CPLANE1: variants seen among roughly 807,000 people sequenced by gnomAD.
The protein encoded by CPLANE1 is ciliogenesis and planar polarity effector 1.
CPLANE1 carries 263 observed loss-of-function variants against 362.5 expected under a neutral mutation model. That is an observed-to-expected ratio of 0.73 (90% CI 0.66 to 0.80). The LOEUF is 0.80. Ranked by LOEUF, CPLANE1 falls within the 30% of genes least tolerant of loss-of-function variation. The pLI, the probability that CPLANE1 is intolerant of heterozygous loss-of-function variation, is 0.00. For missense variants in CPLANE1, 3,461 were observed against 3,793.4 expected, an observed-to-expected ratio of 0.91 and a Z score of 2.30; for synonymous variants, 1,212 against 1,302.6, an observed-to-expected ratio of 0.93 and a Z score of 1.50.
the CPLANE1 span, among the ~76,000 whole-genome samples, chr5:37,083,358 A>G: frequency 6.6e-6 from 1 of 152,198 alleles, no homozygotes; most frequent in Admixed American, 6.5e-5. Flanking sequence ...TGGTACTATG[A>G]CATAACAAGG....
intron 50 of CPLANE1, among the ~76,000 whole-genome samples, chr5:37,119,019 C>G (rs1761877018): frequency 6.6e-6 from 1 of 152,014 alleles, no homozygotes; most frequent in Non-Finnish European, 1.5e-5. Context: ...GCCTATTTTA[C>G]ATTTTTAAAT....
At chr5:37,189,016 A>G (rs1280471890) in intron 21 of CPLANE1, among the ~76,000 whole-genome samples, 1 of 151,938 alleles carries the variant, frequency 6.6e-6, no homozygotes, top group Non-Finnish European at 1.5e-5. Flanking sequence ...TACCTGGCTA[A>G]TTTTGTATTT....
chr5:37,180,454 C>T (rs941970989), intron 27 of CPLANE1, among the ~76,000 whole-genome samples: 2 of 152,128 alleles, frequency 1.3e-5, no homozygotes, highest in Non-Finnish European at 1.5e-5. Flanking sequence ...TTTATTTACT[C>T]GAATGATTGG....
chr5:37,170,436 T>A, intron 32 of CPLANE1, 105 bp from the exon 33 acceptor site: 2 of 1,204,156 alleles, frequency 1.7e-6, no homozygotes, highest in South Asian at 1.5e-5. Context: ...ACGTTTGTCT[T>A]AATATCTATG....
rs754947937 is a variant in CPLANE1, at chr5:37,170,055, T to A, written c.6448A>T (p.Thr2150Ser). 3.1e-6 allele frequency: 5 copies of A among 1,613,998 alleles called. No individual in the cohort carries two copies. The African/African-American group carries it at 5.3e-5, about 17-fold the overall frequency. ...ACATACATTACCTGTACGTTTCCAGTACTATTTTGACCAGATGGGATAGTT... is the reference window on the plus strand; with the variant it reads ...ACATACATTACCTGTACGTTTCCAGAACTATTTTGACCAGATGGGATAGTT... ...EGTIPSGQNS[T>S]GNVQNVPHGS... Residue 2150 changes from threonine (T) to serine (S), a missense_variant, in exon 33 of 53, where the codon ACT (threonine) becomes TCT (serine). By Grantham distance (58) the Thr-to-Ser change is moderately conservative (BLOSUM62 1). Coordinates refer to ENST00000651892, the MANE Select transcript of CPLANE1 (RefSeq NM_001384732.1).
chr5:37,186,424 GAGAAACATCA>G, intron 23 of CPLANE1, 30 bp from the exon 24 acceptor site: 1 of 949,390 alleles, frequency 1.1e-6, no homozygotes, highest in East Asian at 2.4e-5. Flanking sequence ...TAAGTTTTAT[GAGAAACATCA>G]TTCTTTTTTT....
chr5:37,168,915 T>C lies in CPLANE1; in HGVS notation c.7109A>G (p.Asn2370Ser). The C allele has an allele frequency of 6.2e-7, 1 of 1,614,126 alleles. No individual in the cohort carries two copies. The highest frequency in any genetic ancestry group is 8.5e-7 in the Non-Finnish European group (1 of 1,180,016). The change falls in exon 34 of 53, where the codon AAT (asparagine) becomes AGT (serine). Residue 2370 changes from asparagine to serine, a missense_variant. Transcript: ENST00000651892. ...PLLYLPLKPPNMFPSTSRASI... is the reference protein window; with the variant it reads ...PLLYLPLKPPSMFPSTSRASI... ...TGCTCTTGAGGTTGATGGAAACATA[T>C]TAGGAGGTTTAAGTGGCAGGTATAG...
intron 44 of CPLANE1, chr5:37,142,100 AT>A: frequency 9.6e-7 from 1 of 1,044,552 alleles, no homozygotes; most frequent in Non-Finnish European, 1.2e-6. Context: ...ACACCAAGAT[AT>A]GATACATAAT....
At chr5:37,189,236 A>G (rs1784817948) in intron 21 of CPLANE1, among the ~76,000 whole-genome samples, 1 of 152,226 alleles carries the variant, frequency 6.6e-6, no homozygotes, top group Non-Finnish European at 1.5e-5. Flanking sequence ...TATGCTTTTT[A>G]AAATAAATAT....
the CPLANE1 span, among the ~76,000 whole-genome samples, chr5:37,079,716 G>T: frequency 1.3e-5 from 2 of 152,202 alleles, no homozygotes; most frequent in Non-Finnish European, 2.9e-5. Context: ...ACACATGAAT[G>T]GTCAGTGTGT....
intron 8 of CPLANE1, among the ~76,000 whole-genome samples, chr5:37,232,203 C>G (rs1254405419): frequency 1.3e-5 from 2 of 152,094 alleles, no homozygotes; most frequent in Non-Finnish European, 2.9e-5. Context: ...GTACAGGATA[C>G]ATATGTAGGG....
intron 8 of CPLANE1, among the ~76,000 whole-genome samples, chr5:37,234,877 T>C (rs1291633294): frequency 6.6e-6 from 1 of 152,136 alleles, no homozygotes. Flanking sequence ...TATTTCATAA[T>C]AGTCTTAATA....
chr5:37,086,617 C>T, the CPLANE1 span, among the ~76,000 whole-genome samples: 5 of 152,130 alleles, frequency 3.3e-5, no homozygotes, highest in African/African-American at 9.7e-5. Context: ...GGCAGGATAA[C>T]GCTCTGTGGG....
rs572346826 is a variant in CPLANE1, at chr5:37,132,568, A to G, written c.8792+6152T>C. On this transcript the variant is annotated intron_variant, in intron 46 of 52. Transcript: ENST00000651892. ...TCACCATGTTAGCCAGGATGGTCTC[A>G]ATCTCCTGACCTTGTAATCCGCCCG... 1.8e-3 allele frequency among the ~76,000 whole-genome samples: 280 copies of G among 152,044 alleles called. 2 individuals carry two copies. Among genetic ancestry groups the G allele is most frequent in the Admixed American group, 7.2e-4 (11 of 15,280 alleles).
At chr5:37,187,216 T>C (rs1302644718) in intron 23 of CPLANE1, among the ~76,000 whole-genome samples, 198 bp downstream of exon 23, 2 of 152,096 alleles carry the variant, frequency 1.3e-5, no homozygotes, top group Non-Finnish European at 2.9e-5. Context: ...CATTCCACTC[T>C]CTGCTTCCGT....
intron 16 of CPLANE1, chr5:37,211,777 T>C: frequency 1.3e-6 from 1 of 792,436 alleles, no homozygotes. Flanking sequence ...CAAAATGAAC[T>C]TCAAGACAAA....
intron 51 of CPLANE1, among the ~76,000 whole-genome samples, chr5:37,114,461 A>G (rs1424572308): frequency 1.3e-5 from 2 of 152,186 alleles, no homozygotes; most frequent in African/African-American, 4.8e-5. Flanking sequence ...TGGGTTAGAA[A>G]TTTGCGTAAG....
chr5:37,225,746 G>C (rs777701648), intron 12 of CPLANE1, among the ~76,000 whole-genome samples: 115 of 151,746 alleles, frequency 7.6e-4, no homozygotes, highest in Middle Eastern at 3.4e-3. Context: ...CAGCTACTCG[G>C]GGGGCTGAGG....
chr5:37,102,283 G>A (rs1173253607), downstream of CPLANE1, among the ~76,000 whole-genome samples: 1 of 152,088 alleles, frequency 6.6e-6, no homozygotes, highest in Non-Finnish European at 1.5e-5. Context: ...CATCTCGCAG[G>A]TTCAAGCAAT....
Sources: allele counts gnomAD v4.1 joint callset (sites outside exome capture counted in the v4.1 genomes callset), GRCh38; gene constraint gnomAD v4.1.1; transcripts MANE v1.5; gene names NCBI Gene and HGNC (gene_info 2026-07-23, HGNC 2026-07-21).